Variants in ANK1 observed in about 807,000 individuals in gnomAD.
ANK1 encodes the protein ankyrin 1.
In ANK1, 51 loss-of-function variants were observed where a neutral mutation model predicts 210.4. The observed-to-expected ratio is 0.24, with a 90% CI of 0.19 to 0.31. The LOEUF (loss-of-function observed/expected upper bound fraction) is 0.31. Ranked by LOEUF, ANK1 falls within the 10% of genes least tolerant of loss-of-function variation. The pLI, the probability that ANK1 is intolerant of heterozygous loss-of-function variation, is 1.00. For missense variants in ANK1, 2,051 were observed against 2,504.4 expected (o/e 0.82, Z 3.86); for synonymous variants, 967 against 1,025.9 (o/e 0.94, Z 1.10).
chr8:41,774,555 C>T (rs1586858536), intron 1 of ANK1, among the ~76,000 whole-genome samples: 1 of 152,246 alleles, frequency 6.6e-6, no homozygotes, highest in East Asian at 1.9e-4. Context: ...ACCTGCCCTG[C>T]CCATCCTTTC....
intron 1 of ANK1, among the ~76,000 whole-genome samples, chr8:41,768,802 A>C (rs1453214708): frequency 6.0e-3 from 5 of 834 alleles, no homozygotes; most frequent in African/African-American, 9.2e-3. Flanking sequence ...TGTCTCCACA[A>C]AAAAAAAAAA....
rs375019877 is a variant in ANK1 at position 41,696,502 on chromosome 8, G to C, written c.2821C>G (p.Arg941Gly). Residue 941 changes from arginine (R) to glycine (G), a missense_variant, in exon 26 of 43, where the codon CGG becomes GGG. Coordinates refer to ENST00000289734, the MANE Select transcript of ANK1 (RefSeq NM_000037.4). ...HNGLRVVIPP[R>G]TCAAPTRITC... Reference sequence around the variant, plus strand: ...ATGCGGGTGGGCGCTGCGCACGTCCGTGGCGGGATCACCACTCGCAGGCCG... The same window carrying C: ...ATGCGGGTGGGCGCTGCGCACGTCCCTGGCGGGATCACCACTCGCAGGCCG... 6.2e-7 allele frequency: 1 copy of C among 1,613,510 alleles called. No homozygotes were observed. Among genetic ancestry groups the C allele is most frequent in the South Asian group, 1.1e-5 (1 of 91,078 alleles).
At position 41,895,901 on chromosome 8, in the gene ANK1, G is replaced by GCCC. The variant is rs386412644; in HGVS notation, c.126+451_126+453dup. Among the ~76,000 whole-genome samples, 451 of 150,024 alleles carry GCCC rather than the reference G, an allele frequency of 3.0e-3. 2 individuals are homozygous for GCCC. Among genetic ancestry groups the GCCC allele is most frequent in the African/African-American group, 0.01 (414 of 40,522 alleles). On this transcript the variant is annotated intron_variant, in intron 1 of 42. Transcript: ENST00000265709. ...ACCTAGGGAGAAGCCGGGCAGAGCT[G>GCCC]CCCCCCCCCGGCCCGCTCCCCGGAG...
At chr8:41,664,798 C>A (rs772361545) in intron 39 of ANK1, 1 of 1,599,592 alleles carries the variant, frequency 6.3e-7, no homozygotes, top group Non-Finnish European at 8.5e-7. Flanking sequence ...TCCTGCCAGG[C>A]GGTTACCTTC....
chr8:41,775,075 G>A (rs1302671767), intron 1 of ANK1, among the ~76,000 whole-genome samples: 2 of 151,336 alleles, frequency 1.3e-5, no homozygotes, highest in East Asian at 3.9e-4. Context: ...TTTTTTTCAA[G>A]TTGCCAAACA....
At chr8:41,776,049 C>T (rs1337219275) in intron 1 of ANK1, among the ~76,000 whole-genome samples, 3 of 152,120 alleles carry the variant, frequency 2.0e-5, no homozygotes, top group Admixed American at 6.5e-5. Flanking sequence ...AGTCATTTGT[C>T]CAAAGTCCTC....
intron 10 of ANK1, 47 bp downstream of exon 10, chr8:41,719,614 A>C (rs988701771): frequency 1.9e-6 from 3 of 1,611,444 alleles, no homozygotes; most frequent in African/African-American, 2.7e-5. Flanking sequence ...TCCTGCCCCC[A>C]GCCTGCCCTG....
In ANK1 at chr8:41,661,106, C is replaced by A. The variant is rs575872815; in HGVS notation, c.*36+324G>T. 11 of 390,718 alleles carry A rather than the reference C, an allele frequency of 2.8e-5. No individual in the cohort carries two copies. In the East Asian group the frequency reaches 6.7e-4, roughly 24 times the overall value. The allele number at this position is 390,718 out of a possible 1,614,324, so 24.2% of individuals were successfully genotyped here. ...GCCCAGGCTGGTCTTGAACTCCTGGCCTAAAGCAATCCTTTTGCCTCGACC... is the reference window on the plus strand; with the variant it reads ...GCCCAGGCTGGTCTTGAACTCCTGGACTAAAGCAATCCTTTTGCCTCGACC... On this transcript the variant is annotated intron_variant, in intron 42 of 42. Transcript: ENST00000289734.
chr8:41,737,626 T>A (rs767810989), intron 2 of ANK1, among the ~76,000 whole-genome samples: 1 of 152,216 alleles, frequency 6.6e-6, no homozygotes, highest in Non-Finnish European at 1.5e-5. Context: ...TTCTTATGAT[T>A]TTTAAAAAAT....
chr8:41,680,582 A>T (rs1815667189), intron 37 of ANK1, among the ~76,000 whole-genome samples: 1 of 151,928 alleles, frequency 6.6e-6, no homozygotes, highest in African/African-American at 2.4e-5. Context: ...AAAAAAAAAA[A>T]AAGTATGGAT....
chr8:41,723,492 A>C (rs762346994), intron 8 of ANK1, 43 bp downstream of exon 8: 101 of 1,576,262 alleles, frequency 6.4e-5, no homozygotes, highest in Non-Finnish European at 7.9e-5. Flanking sequence ...GTGAGGGGGG[A>C]CCTCCCTCCC....
chr8:41,785,220 G>T (rs1861924), intron 1 of ANK1, among the ~76,000 whole-genome samples: 1 of 152,040 alleles, frequency 6.6e-6, no homozygotes, highest in African/African-American at 2.4e-5. Flanking sequence ...AATTAGCCAG[G>T]GGTGTGGTGC....
intron 1 of ANK1, among the ~76,000 whole-genome samples, chr8:41,862,500 T>TG (rs1270123746): frequency 6.6e-6 from 1 of 151,926 alleles, no homozygotes; most frequent in Non-Finnish European, 1.5e-5. Flanking sequence ...ACCTATTTGA[T>TG]GGGGGAAAGG....
At chr8:41,816,597 T>A (rs1442749392) in intron 1 of ANK1, among the ~76,000 whole-genome samples, 11 of 152,002 alleles carry the variant, frequency 7.2e-5, no homozygotes, top group Admixed American at 7.2e-4. Flanking sequence ...ACCCAGCTAA[T>A]TTTTTATTTT....
At chr8:41,812,911 T>C (rs574385027) in intron 1 of ANK1, among the ~76,000 whole-genome samples, 2 of 152,198 alleles carry the variant, frequency 1.3e-5, no homozygotes, top group Non-Finnish European at 2.9e-5. Context: ...GCTTCCTGGC[T>C]CATTGCTCAC....
intron 17 of ANK1, 45 bp from the exon 18 acceptor site, chr8:41,706,286 T>C (rs1314776365): frequency 6.4e-7 from 1 of 1,561,516 alleles, no homozygotes; most frequent in East Asian, 2.3e-5. Context: ...AGTAAAGAAT[T>C]CCAGGCCACA....
intron 3 of ANK1, among the ~76,000 whole-genome samples, chr8:41,728,522 A>G (rs1403603297): frequency 1.3e-5 from 2 of 152,148 alleles, no homozygotes; most frequent in African/African-American, 2.4e-5. Context: ...CAATGTATCC[A>G]TGGAACAAAG....
At chr8:41,807,665 C>T in intron 1 of ANK1, among the ~76,000 whole-genome samples, 1 of 152,268 alleles carries the variant, frequency 6.6e-6, no homozygotes, top group Non-Finnish European at 1.5e-5. Flanking sequence ...CACATAAAAT[C>T]TCTGATCCCC....
In ANK1 at chr8:41,685,039, G is replaced by A. The variant is rs538589642; in HGVS notation, c.4391-349C>T. 2.0e-4 allele frequency among the ~76,000 whole-genome samples: 30 copies of A among 152,052 alleles called. No homozygotes were observed. The South Asian group carries it at 5.4e-3, about 27-fold the overall frequency. On this transcript the variant is annotated intron_variant, in intron 36 of 42. Coordinates refer to ENST00000289734, the MANE Select transcript of ANK1 (RefSeq NM_000037.4). ...CACCTCCCAGGCTCAAGCAATTCTC[G>A]TTCCTCAGCCTCCCGAGTAGCTGGG...
Sources: allele counts gnomAD v4.1 joint callset (sites outside exome capture counted in the v4.1 genomes callset), GRCh38; gene constraint gnomAD v4.1.1; transcripts MANE v1.5; gene names NCBI Gene and HGNC (gene_info 2026-07-23, HGNC 2026-07-21).